The following OTOA variants were observed in gnomAD, a reference collection of about 807,000 sequenced individuals.
The protein encoded by OTOA is otoancorin, also known as cancer/testis antigen 108.
A neutral mutation model predicts 110.8 loss-of-function variants in OTOA; 70 were observed. That is an observed-to-expected ratio of 0.63 (90% CI 0.52 to 0.77). The LOEUF is 0.77. Among genes scored for constraint, OTOA ranks in the 30% least tolerant of loss-of-function variants. The pLI is 0.00. For missense variants in OTOA, 917 were observed against 1,075.8 expected, an observed-to-expected ratio of 0.85 and a Z score of 2.06; for synonymous variants, 373 against 431.5, an observed-to-expected ratio of 0.86 and a Z score of 1.68.
In OTOA at chr16:21,714,969, G is replaced by T. The variant is rs369633162; in HGVS notation, c.1321-16G>T. 6.2e-7 allele frequency: 1 copy of T among 1,613,994 alleles called. No homozygotes were observed. Among genetic ancestry groups the T allele is most frequent in the East Asian group, 2.2e-5 (1 of 44,880 alleles). The stretch of plus-strand genomic sequence containing the variant: ...GGCGGGAGCAGAGCCTGACTGCGCA[G>T]CCGCTCCTCTTCCAGGTGCTGTCTT... On this transcript the variant is annotated splice_polypyrimidine_tract_variant and intron_variant, in intron 13 of 28. Transcript: ENST00000646100.
intron 11 of OTOA, among the ~76,000 whole-genome samples, chr16:21,702,676 T>TTTTA (rs1417684601): frequency 6.6e-6 from 1 of 152,144 alleles, no homozygotes. Flanking sequence ...TATTTTTTCT[T>TTTTA]TTTATTTATT....
rs371006620 is a variant in OTOA at position 21,752,232 on chromosome 16, A to G, written c.2919-137A>G. 0.038 allele frequency: 17,181 copies of G among 450,852 alleles called. 1,208 individuals carry two copies. The highest frequency in any genetic ancestry group is 0.34 in the East Asian group (8,349 of 24,412). 27.9% of individuals were successfully genotyped at this position (450,852 alleles called of 1,614,324 possible). A position where few individuals can be genotyped will look rare whatever the true frequency, so the allele number is the denominator to read the frequency against. ...TAAAATCCCACTGGGCTAATGGGAT[A>G]AGCTGGATCTGCTGTCCCTGCTGAG... On this transcript the variant is annotated intron_variant, in intron 25 of 28. Coordinates refer to ENST00000646100, the MANE Select transcript of OTOA (RefSeq NM_144672.4).
intron 7 of OTOA, among the ~76,000 whole-genome samples, chr16:21,686,893 A>C (rs558754656): frequency 6.6e-6 from 1 of 152,272 alleles, no homozygotes; most frequent in South Asian, 2.1e-4. Context: ...ACCCTGTCTC[A>C]AAAATAAAAT....
intron 5 of OTOA, among the ~76,000 whole-genome samples, chr16:21,679,854 G>A (rs1384821703): frequency 1.3e-5 from 2 of 152,154 alleles, no homozygotes; most frequent in Non-Finnish European, 1.5e-5. Context: ...GTCCAGGAAG[G>A]GTAAATCAAG....
intron 1 of OTOA, among the ~76,000 whole-genome samples, chr16:21,666,501 T>C (rs548418234): frequency 5.9e-5 from 9 of 152,184 alleles, no homozygotes; most frequent in Non-Finnish European, 1.2e-4. Context: ...TGTGACTTTC[T>C]GGTTTCAAAA....
At chr16:21,696,601 G>A (rs1052681429) in intron 9 of OTOA, among the ~76,000 whole-genome samples, 4 of 151,958 alleles carry the variant, frequency 2.6e-5, no homozygotes, top group African/African-American at 4.8e-5. Flanking sequence ...ACAGAGTCTC[G>A]CTCTGTCACC....
intron 14 of OTOA, among the ~76,000 whole-genome samples, chr16:21,716,066 A>G (rs1898544092): frequency 6.6e-6 from 1 of 150,476 alleles, no homozygotes; most frequent in South Asian, 2.1e-4. Context: ...TGTGCTGCTC[A>G]CTAATTTTTG....
At chr16:21,703,850 G>T (rs1339942075) in intron 11 of OTOA, among the ~76,000 whole-genome samples, 2 of 152,046 alleles carry the variant, frequency 1.3e-5, no homozygotes, top group Non-Finnish European at 2.9e-5. Flanking sequence ...AAATCAGTTG[G>T]TATACCACTT....
chr16:21,674,930 T>G (rs1336819423), intron 1 of OTOA, among the ~76,000 whole-genome samples: 6 of 140,184 alleles, frequency 4.3e-5, no homozygotes, highest in Admixed American at 7.5e-5. Flanking sequence ...TTTAGCAATT[T>G]GATTATTATA....
intron 8 of OTOA, 139 bp from the exon 9 acceptor site, chr16:21,691,445 G>A (rs753912322): frequency 1.4e-4 from 103 of 712,728 alleles, no homozygotes; most frequent in Non-Finnish European, 1.9e-4. Context: ...GTGTAAAAGC[G>A]TTTCTATTTC....
At chr16:21,667,195 T>G (rs1966841781) in intron 1 of OTOA, among the ~76,000 whole-genome samples, 1 of 152,190 alleles carries the variant, frequency 6.6e-6, no homozygotes, top group Non-Finnish European at 1.5e-5. Flanking sequence ...CCTGTTAGAA[T>G]GCAGGGCTTT....
intron 9 of OTOA, among the ~76,000 whole-genome samples, chr16:21,694,300 G>T (rs898172887): frequency 6.6e-6 from 1 of 151,898 alleles, no homozygotes; most frequent in Admixed American, 6.6e-5. Context: ...AAAAATAGCC[G>T]GTGTCCTGGT....
chr16:21,684,762 A>ATTTTTT (rs761681752), intron 6 of OTOA, among the ~76,000 whole-genome samples: 5 of 96,878 alleles, frequency 5.2e-5, no homozygotes, highest in African/African-American at 1.7e-4. Flanking sequence ...TATTATTATT[A>ATTTTTT]TTATTTTTTA....
chr16:21,715,301 C>A, intron 14 of OTOA, 149 bp downstream of exon 14: 1 of 1,012,070 alleles, frequency 9.9e-7, no homozygotes, highest in Non-Finnish European at 1.5e-6. Flanking sequence ...CTCCTGGTGG[C>A]ACACCTTCCT....
chr16:21,693,877 GA>G (rs1897881660), intron 9 of OTOA, among the ~76,000 whole-genome samples: 1 of 152,054 alleles, frequency 6.6e-6, no homozygotes, highest in Admixed American at 6.6e-5. Flanking sequence ...CACCCAGGCA[GA>G]AAGGATATTA....
chr16:21,674,535 T>A (rs1966853580), intron 1 of OTOA, among the ~76,000 whole-genome samples: 1 of 152,164 alleles, frequency 6.6e-6, no homozygotes, highest in South Asian at 2.1e-4. Context: ...GGTTTCACCA[T>A]GTTGGCCAGG....
At chr16:21,737,855 C>T (rs1899379884) in intron 22 of OTOA, among the ~76,000 whole-genome samples, 1 of 152,312 alleles carries the variant, frequency 6.6e-6, no homozygotes, top group Non-Finnish European at 1.5e-5. Flanking sequence ...CATGCACCTA[C>T]TAAGTGCAGA....
At position 21,710,098 on chromosome 16, in the gene OTOA, G is replaced by A. The variant is rs748486596; in HGVS notation, c.1315G>A (p.Glu439Lys). ...CTTGTCTGCCAAATACTTGGCCCAT[G>A]AGAAGGTCAGCTGGAGTTTTAAACT... ...IILSAKYLAH[E>K]KVLSFYNVSQ... Residue 439 changes from glutamate to lysine, a missense_variant, in exon 13 of 29, where the codon GAG becomes AAG. Transcript: ENST00000646100. The A allele has an allele frequency of 3.3e-5, 53 of 1,611,868 alleles. No homozygotes were observed. The highest frequency in any genetic ancestry group is 4.3e-5 in the Non-Finnish European group (51 of 1,179,036).
At chr16:21,705,378 G>A (rs1026829181) in intron 12 of OTOA, 86 bp downstream of exon 12, 1 of 1,601,398 alleles carries the variant, frequency 6.2e-7, no homozygotes, top group Non-Finnish European at 8.5e-7. Flanking sequence ...TTAGCCTTTG[G>A]GAGAAAACAC....
Sources: gnomAD v4.1 joint callset for allele counts (sites outside exome capture counted in the v4.1 genomes callset) on GRCh38, gnomAD v4.1.1 for gene constraint, MANE v1.5 for transcripts, NCBI Gene and HGNC (gene_info 2026-07-23, HGNC 2026-07-21) for gene names.